MME: variants seen among roughly 807,000 people sequenced by gnomAD.
The protein encoded by MME is membrane metalloendopeptidase, also known as neprilysin.
MME carries 98 observed loss-of-function variants against 113.2 expected under a neutral mutation model. The ratio of observed to expected loss-of-function variants is 0.87; its 90% CI spans 0.74 to 1.02. The LOEUF is 1.02. Ranked by LOEUF, MME falls within the 50% of genes least tolerant of loss-of-function variation. The pLI is 0.00. For missense variants in MME, 836 were observed against 896.0 expected (o/e 0.93, Z 0.86); for synonymous variants, 292 against 300.6 (o/e 0.97, Z 0.30).
intron 10 of MME, 114 bp downstream of exon 10, chr3:155,140,406 A>G (rs1720982069): frequency 1.1e-5 from 5 of 474,188 alleles, no homozygotes; most frequent in Non-Finnish European, 1.5e-5. Flanking sequence ...TGGGACTTCA[A>G]TTCCTTTTTT....
intron 3 of MME, among the ~76,000 whole-genome samples, chr3:155,086,090 T>A (rs898027348): frequency 6.6e-6 from 1 of 151,904 alleles, no homozygotes; most frequent in Non-Finnish European, 1.5e-5. Flanking sequence ...GTTGACTGGA[T>A]TGAGTGAAAA....
chr3:155,061,450 C>CAAAAAA (rs768689390), intron 1 of MME, among the ~76,000 whole-genome samples: 1 of 52,488 alleles, frequency 1.9e-5, no homozygotes, highest in Non-Finnish European at 3.9e-5. Flanking sequence ...GGCTCCATCT[C>CAAAAAA]AAAAAAAAAA....
intron 16 of MME, among the ~76,000 whole-genome samples, chr3:155,152,592 G>A (rs1430861609): frequency 1.3e-5 from 2 of 152,040 alleles, no homozygotes; most frequent in African/African-American, 4.8e-5. Context: ...TATAATCCTA[G>A]CACTTTGGGA....
intron 1 of MME, among the ~76,000 whole-genome samples, chr3:155,051,523 C>A (rs1010424749): frequency 4.6e-5 from 7 of 152,168 alleles, no homozygotes; most frequent in Non-Finnish European, 7.3e-5. Context: ...ACAGGCACAT[C>A]TTACAGGTGA....
chr3:155,047,393 CT>C (rs545319054), intron 1 of MME, among the ~76,000 whole-genome samples: 66 of 152,280 alleles, frequency 4.3e-4, no homozygotes, highest in African/African-American at 1.5e-3. Context: ...GCTGTATCAT[CT>C]AGGTTTGTGT....
At chr3:155,121,278 C>G (rs1243569360) in intron 8 of MME, among the ~76,000 whole-genome samples, 18 of 145,136 alleles carry the variant, frequency 1.2e-4, no homozygotes, top group African/African-American at 4.0e-4. Flanking sequence ...TATCCTGAGA[C>G]TTTGCTGAAG....
chr3:155,096,292 A>G (rs1471943525), intron 3 of MME, among the ~76,000 whole-genome samples: 1 of 152,228 alleles, frequency 6.6e-6, no homozygotes, highest in Non-Finnish European at 1.5e-5. Flanking sequence ...GTCTAGCTCA[A>G]GCCTGGTAAA....
At chr3:155,031,737 A>G (rs1045597904) in intron 1 of MME, among the ~76,000 whole-genome samples, 3 of 152,188 alleles carry the variant, frequency 2.0e-5, no homozygotes, top group Admixed American at 1.3e-4. Context: ...GGCTCACTGC[A>G]ACCTCTGCCT....
upstream of MME, chr3:155,079,756 G>C (rs983062227): frequency 1.3e-5 from 2 of 152,474 alleles, no homozygotes; most frequent in African/African-American, 2.4e-5. Flanking sequence ...GAGGGGTCAC[G>C]GTGAGTCTCT....
chr3:155,106,437 G>A (rs1451497741), intron 3 of MME, among the ~76,000 whole-genome samples: 1 of 152,134 alleles, frequency 6.6e-6, no homozygotes, highest in Non-Finnish European at 1.5e-5. Flanking sequence ...AGTGGATTGT[G>A]GAAGCATCCT....
intron 1 of MME, among the ~76,000 whole-genome samples, chr3:155,067,513 G>A (rs1017716038): frequency 6.6e-6 from 1 of 151,812 alleles, no homozygotes; most frequent in Non-Finnish European, 1.5e-5. Context: ...GTTTCACCGT[G>A]TTGGTCAGGC....
rs201337622 is a variant in MME, at chr3:155,115,163, G to A, written c.358+8G>A. ...TAGAAGTCGTTTTGAAAGGTTAGTA[G>A]AGATTGTGTCTGTGCATCAAAGATT... On this transcript the variant is annotated splice_region_variant and intron_variant, in intron 4 of 22. Transcript: ENST00000360490. The A allele has an allele frequency of 6.2e-7, 1 of 1,613,770 alleles. No homozygotes were observed. Among genetic ancestry groups the A allele is most frequent in the Middle Eastern group, 1.7e-4 (1 of 6,050 alleles).
Position 155,138,176 on chromosome 3 carries a change from T to C in MME, c.795T>C (p.Asp265=), listed in dbSNP as rs1190696989. The C allele has an allele frequency of 6.2e-7, 1 of 1,613,654 alleles. No homozygotes were observed. The highest frequency in any genetic ancestry group is 1.3e-5 in the African/African-American group (1 of 74,896). The part of the protein sequence containing the change: ...LIRQEERLPI[D]ENQLALEMNK... ...GTCAGGAAGAAAGATTGCCCATCGATGAAAACCAGCTTGCTTTGGAAATGA... is the reference window on the plus strand; with the variant it reads ...GTCAGGAAGAAAGATTGCCCATCGACGAAAACCAGCTTGCTTTGGAAATGA... Residue 265 remains aspartate, a synonymous_variant, in exon 9 of 23, where the codon GAT becomes GAC. Coordinates refer to ENST00000360490, the MANE Select transcript of MME (RefSeq NM_007289.4).
intron 17 of MME, among the ~76,000 whole-genome samples, chr3:155,165,149 T>C (rs1277877435): frequency 6.6e-6 from 1 of 152,164 alleles, no homozygotes; most frequent in Non-Finnish European, 1.5e-5. Flanking sequence ...TTTTTTTAAT[T>C]ACAGAAAGTA....
At chr3:155,029,669 A>G (rs2108112650) in intron 1 of MME, among the ~76,000 whole-genome samples, 1 of 152,218 alleles carries the variant, frequency 6.6e-6, no homozygotes, top group Admixed American at 6.5e-5. Context: ...GGCAAAATGT[A>G]TGAATTATAT....
Position 155,084,172 on chromosome 3 carries a change from G to C in MME, c.5G>C (p.Gly2Ala). The change falls in exon 2 of 23, where the codon GGC (glycine) becomes GCC (alanine). Residue 2 changes from glycine to alanine, a missense_variant. Gly to Ala is a moderately conservative substitution (Grantham distance 60, BLOSUM62 0). Coordinates refer to ENST00000360490, the MANE Select transcript of MME (RefSeq NM_007289.4). ...ATTTTTTGCAGATTTTAGGTGATGG[G>C]CAAGTCAGAAAGTCAGATGGATATA... MGKSESQMDITD... is the reference protein window; with the variant it reads MAKSESQMDITD... 6.2e-7 allele frequency: 1 copy of C among 1,613,788 alleles called. No homozygotes were observed. Among genetic ancestry groups the C allele is most frequent in the South Asian group, 1.1e-5 (1 of 91,056 alleles).
chr3:155,163,676 A>T (rs529720688), intron 17 of MME, among the ~76,000 whole-genome samples: 1 of 152,270 alleles, frequency 6.6e-6, no homozygotes, highest in South Asian at 2.1e-4. Context: ...TTTTAAATCA[A>T]TTTTTTTAAT....
intron 1 of MME, among the ~76,000 whole-genome samples, chr3:155,064,174 A>G (rs1033435970): frequency 6.6e-6 from 1 of 152,062 alleles, no homozygotes; most frequent in Non-Finnish European, 1.5e-5. Context: ...CTGTAATCCC[A>G]GGTAGTCGGG....
chr3:155,172,631 C>G lies in MME; in HGVS notation c.2153+19C>G. On this transcript the variant is annotated intron_variant, in intron 22 of 22. Coordinates refer to ENST00000360490, the MANE Select transcript of MME (RefSeq NM_007289.4). ...ATTTCAGGTGCGTGGATATGAACAG[C>G]AATCAAGGTGCTCTTATATTGGGTC... 1 of 1,575,526 alleles carries G rather than the reference C, an allele frequency of 6.3e-7. No individual in the cohort carries two copies. The highest frequency in any genetic ancestry group is 8.7e-7 in the Non-Finnish European group (1 of 1,145,490).
Sources: gnomAD v4.1 joint callset for allele counts (sites outside exome capture counted in the v4.1 genomes callset) on GRCh38, gnomAD v4.1.1 for gene constraint, MANE v1.5 for transcripts, NCBI Gene and HGNC (gene_info 2026-07-23, HGNC 2026-07-21) for gene names.